The following TRIM9 variants were observed in gnomAD, a reference collection of about 807,000 sequenced individuals.
The protein encoded by TRIM9 is tripartite motif containing 9, also known as E3 ubiquitin-protein ligase TRIM9.
Under a neutral mutation model 78.3 loss-of-function variants are expected in TRIM9, and 26 were observed. That is an observed-to-expected ratio of 0.33 (90% CI 0.24 to 0.46). TRIM9 has a LOEUF of 0.46. TRIM9 is among the 20% of genes least tolerant of loss of function. TRIM9 has a pLI of 1.00. For missense variants in TRIM9, 787 were observed against 1,036.4 expected, an observed-to-expected ratio of 0.76 and a Z score of 3.30; for synonymous variants, 398 against 416.5, an observed-to-expected ratio of 0.96 and a Z score of 0.54.
chr14:51,005,213 G>A (rs2055612536), intron 5 of TRIM9, among the ~76,000 whole-genome samples: 1 of 152,104 alleles, frequency 6.6e-6, no homozygotes, highest in South Asian at 2.1e-4. Context: ...TAACCCTCTG[G>A]CAGCTTTCCC....
At chr14:50,982,747 C>T in intron 10 of TRIM9, 195 bp downstream of exon 10, 1 of 522,422 alleles carries the variant, frequency 1.9e-6, no homozygotes, top group East Asian at 2.9e-5. Context: ...AGAAATTTTG[C>T]TGGAGCAGTA....
At chr14:50,987,848 C>A (rs2052925816) in intron 7 of TRIM9, among the ~76,000 whole-genome samples, 1 of 152,100 alleles carries the variant, frequency 6.6e-6, no homozygotes, top group South Asian at 2.1e-4. Context: ...GTTGCCCAGG[C>A]CAGAATGCAA....
At chr14:50,983,092 C>G in intron 9 of TRIM9, 127 bp from the exon 10 acceptor site, 2 of 882,920 alleles carry the variant, frequency 2.3e-6, no homozygotes, top group Non-Finnish European at 3.6e-6. Context: ...GCCACATATA[C>G]TAAACAGGTG....
chr14:51,018,636 A>G (rs1479644826), intron 3 of TRIM9, among the ~76,000 whole-genome samples: 1 of 152,250 alleles, frequency 6.6e-6, no homozygotes, highest in Non-Finnish European at 1.5e-5. Flanking sequence ...AAAATCAAGC[A>G]TTCTACAGAT....
rs760645783 is a variant in TRIM9 at position 50,977,282 on chromosome 14, G to A, written c.*9C>T. On this transcript the variant is annotated 3_prime_UTR_variant, in exon 13 of 13. Transcript: ENST00000684578. ...AAGAACAGGCAGCTGGCGCCTCCAC[G>A]GCACATCCTTAGGCTATTGATGCTC... 127 of 1,494,712 alleles carry A rather than the reference G, an allele frequency of 8.5e-5. No homozygotes were observed. Among genetic ancestry groups the A allele is most frequent in the Non-Finnish European group, 1.1e-4 (118 of 1,117,052 alleles). The allele number at this position is 1,494,712 out of a possible 1,614,324, so 92.6% of individuals were successfully genotyped here. A position where few individuals can be genotyped will look rare whatever the true frequency, so the allele number is the denominator to read the frequency against.
intron 5 of TRIM9, among the ~76,000 whole-genome samples, chr14:51,006,589 CA>C (rs2055833775): frequency 6.6e-6 from 1 of 151,982 alleles, no homozygotes; most frequent in Non-Finnish European, 1.5e-5. Flanking sequence ...GAGCACAAAG[CA>C]AAGCATATAA....
chr14:50,997,784 T>A, intron 7 of TRIM9: 1 of 1,364,116 alleles, frequency 7.3e-7, no homozygotes, highest in Non-Finnish European at 9.4e-7. Flanking sequence ...TTCAGCTTCT[T>A]CAACTGCAGC....
chr14:51,072,129 C>T (rs1468192499), intron 1 of TRIM9, among the ~76,000 whole-genome samples: 1 of 152,228 alleles, frequency 6.6e-6, no homozygotes, highest in Non-Finnish European at 1.5e-5. Flanking sequence ...TCAGGGAAAT[C>T]TGCCAGAGCC....
At chr14:51,041,999 G>A (rs2059614099) in intron 1 of TRIM9, among the ~76,000 whole-genome samples, 1 of 152,182 alleles carries the variant, frequency 6.6e-6, no homozygotes, top group Non-Finnish European at 1.5e-5. Flanking sequence ...GCTGGAGCAG[G>A]AAGCTCTGTC....
chr14:51,074,505 C>A (rs1295995954), intron 1 of TRIM9, among the ~76,000 whole-genome samples: 3 of 152,174 alleles, frequency 2.0e-5, no homozygotes, highest in African/African-American at 7.2e-5. Context: ...AATGAGAAGG[C>A]ACAAGCATAT....
chr14:50,990,318 A>T (rs970505325), intron 7 of TRIM9, among the ~76,000 whole-genome samples: 1 of 152,174 alleles, frequency 6.6e-6, no homozygotes, highest in African/African-American at 2.4e-5. Flanking sequence ...CACCCAGCCC[A>T]TATATTTCTT....
chr14:51,012,085 A>G (rs370305965), intron 3 of TRIM9, among the ~76,000 whole-genome samples: 9 of 152,206 alleles, frequency 5.9e-5, no homozygotes, highest in African/African-American at 2.2e-4. Context: ...ACACAGCATG[A>G]CATTTTCCAC....
At position 50,977,656 on chromosome 14, in the gene TRIM9, T is replaced by C. The variant is rs149075454; in HGVS notation, c.2326-303A>G. Among the ~76,000 whole-genome samples the C allele has an allele frequency of 3.5e-3, 529 of 152,270 alleles. 4 individuals are homozygous for C. The highest frequency in any genetic ancestry group is 0.012 in the African/African-American group (510 of 41,556). On this transcript the variant is annotated intron_variant, in intron 12 of 12. Coordinates refer to ENST00000684578, the MANE Select transcript of TRIM9 (RefSeq NM_001387360.1). ...GAAGACACAGGCCTTGGTTTTCAGA[T>C]AGAGGAGCCTACTGGCCACACCACA... is the stretch of plus-strand genomic sequence containing the variant.
At chr14:51,002,235 T>C (rs1436197836) in intron 5 of TRIM9, among the ~76,000 whole-genome samples, 1 of 151,812 alleles carries the variant, frequency 6.6e-6, no homozygotes, top group Non-Finnish European at 1.5e-5. Context: ...TATTCTCCTG[T>C]CTCAGCCTCC....
Position 50,997,726 on chromosome 14 carries a change from C to T in TRIM9, c.1603+324G>A, listed in dbSNP as rs923323295. On this transcript the variant is annotated intron_variant, in intron 7 of 12. Transcript: ENST00000684578. The stretch of plus-strand genomic sequence containing the variant: ...GGAGAATGGGAGCCTGCTCTAGAGC[C>T]TAGATACATTTGTCTTACACACCAG... 5 of 1,253,340 alleles carry T rather than the reference C, an allele frequency of 4.0e-6. No homozygotes were observed. In the African/African-American group the frequency reaches 7.5e-5, roughly 19 times the overall value. The allele number at this position is 1,253,340 out of a possible 1,614,324, so 77.6% of individuals were successfully genotyped here.
intron 1 of TRIM9, among the ~76,000 whole-genome samples, chr14:51,074,238 G>A (rs1032306243): frequency 2.0e-5 from 3 of 151,802 alleles, no homozygotes; most frequent in African/African-American, 7.3e-5. Flanking sequence ...GGGCAACATA[G>A]CAAGACTCCG....
intron 5 of TRIM9, among the ~76,000 whole-genome samples, chr14:51,004,013 T>C (rs2055431710): frequency 6.6e-6 from 1 of 152,230 alleles, no homozygotes; most frequent in Non-Finnish European, 1.5e-5. Context: ...TACTTTCCAA[T>C]TAATCTATCT....
Position 51,076,068 on chromosome 14 carries a change from C to T in TRIM9, c.822+18050G>A, listed in dbSNP as rs540461563. On this transcript the variant is annotated intron_variant, in intron 1 of 12. Transcript: ENST00000684578. ...AAAAGATATTGTTATTAAATACCTG[C>T]AAATGCTGGGCAACTTTTCAAAGAC... Among the ~76,000 whole-genome samples the T allele has an allele frequency of 4.6e-5, 7 of 152,282 alleles. No homozygotes were observed. In the East Asian group the frequency reaches 1.4e-3, roughly 29 times the overall value.
intron 1 of TRIM9, among the ~76,000 whole-genome samples, chr14:51,056,043 T>A (rs895600320): frequency 6.6e-6 from 1 of 152,234 alleles, no homozygotes; most frequent in Non-Finnish European, 1.5e-5. Context: ...AAAACTAACC[T>A]CACTACTCAA....
Sources: gnomAD v4.1 joint callset for allele counts (sites outside exome capture counted in the v4.1 genomes callset) on GRCh38, gnomAD v4.1.1 for gene constraint, MANE v1.5 for transcripts, NCBI Gene and HGNC (gene_info 2026-07-23, HGNC 2026-07-21) for gene names.